NPAS3: variants seen among roughly 807,000 people sequenced by gnomAD.
NPAS3 encodes neuronal PAS domain-containing protein 3.
NPAS3 carries 14 observed loss-of-function variants against 73.1 expected under a neutral mutation model. The observed-to-expected ratio is 0.19, with a 90% CI of 0.13 to 0.30. The LOEUF (loss-of-function observed/expected upper bound fraction) is 0.30. Ranked by LOEUF, NPAS3 falls within the 10% of genes least tolerant of loss-of-function variation. The probability of loss-of-function intolerance (pLI) is 1.00; values close to 1 mark genes in which losing one functional copy is unlikely to be tolerated. For missense variants in NPAS3, 1,096 were observed against 1,250.0 expected, an observed-to-expected ratio of 0.88 and a Z score of 1.86; for synonymous variants, 620 against 541.5, an observed-to-expected ratio of 1.14 and a Z score of -2.01.
At chr14:33,726,041 CATTCA>C in intron 6 of NPAS3, among the ~76,000 whole-genome samples, 1 of 152,176 alleles carries the variant, frequency 6.6e-6, no homozygotes, top group East Asian at 1.9e-4. Context: ...CTCTGTTCCT[CATTCA>C]ATATCCATTA....
chr14:33,659,709 A>G (rs2059251478), intron 5 of NPAS3, among the ~76,000 whole-genome samples: 1 of 152,266 alleles, frequency 6.6e-6, no homozygotes, highest in African/African-American at 2.4e-5. Flanking sequence ...CATACCTTTA[A>G]TAATCTCTAT....
intron 2 of NPAS3, among the ~76,000 whole-genome samples, chr14:33,158,524 G>A (rs564557620): frequency 2.6e-5 from 4 of 152,166 alleles, no homozygotes; most frequent in African/African-American, 9.7e-5. Flanking sequence ...AGAACTAAAG[G>A]TGGCAGAAGT....
chr14:32,969,222 C>A (rs531138553), intron 1 of NPAS3, among the ~76,000 whole-genome samples: 5 of 152,210 alleles, frequency 3.3e-5, no homozygotes, highest in South Asian at 4.1e-4. Flanking sequence ...CATCAGAGTA[C>A]AGTGGTGAGA....
intron 4 of NPAS3, among the ~76,000 whole-genome samples, chr14:33,559,328 G>C (rs535207397): frequency 2.0e-5 from 3 of 152,250 alleles, no homozygotes; most frequent in Admixed American, 6.5e-5. Context: ...TAACACAATG[G>C]GCACTGGGAG....
chr14:33,489,910 A>T (rs369013415), intron 4 of NPAS3, among the ~76,000 whole-genome samples: 1 of 152,108 alleles, frequency 6.6e-6, no homozygotes, highest in Admixed American at 6.6e-5. Context: ...TTGATTTTTC[A>T]TCTGTTCAAA....
chr14:33,776,046 C>T (rs563752731), intron 8 of NPAS3, among the ~76,000 whole-genome samples: 41 of 152,302 alleles, frequency 2.7e-4, no homozygotes, highest in Admixed American at 2.2e-3. Context: ...TTAGCTACAT[C>T]CTGTGGAGTC....
At chr14:33,643,897 T>TA (rs1032581870) in intron 5 of NPAS3, among the ~76,000 whole-genome samples, 2 of 152,200 alleles carry the variant, frequency 1.3e-5, no homozygotes, top group Admixed American at 1.3e-4. Context: ...ATTTTTTTTT[T>TA]AACCTAAAGA....
At chr14:33,340,366 G>A (rs2044416648) in intron 3 of NPAS3, among the ~76,000 whole-genome samples, 1 of 152,074 alleles carries the variant, frequency 6.6e-6, no homozygotes, top group African/African-American at 2.4e-5. Context: ...GTGGTGGTGG[G>A]CGCCTGTAAT....
At chr14:33,547,343 G>C (rs138540338) in intron 4 of NPAS3, among the ~76,000 whole-genome samples, 113 of 152,218 alleles carry the variant, frequency 7.4e-4, no homozygotes, top group African/African-American at 2.7e-3. Flanking sequence ...AAATCTCATT[G>C]GAGGCAAAAA....
chr14:33,597,881 T>A (rs570995852), intron 5 of NPAS3, among the ~76,000 whole-genome samples: 1 of 152,350 alleles, frequency 6.6e-6, no homozygotes, highest in East Asian at 1.9e-4. Flanking sequence ...ATATACTGTC[T>A]TCAAGTTTTA....
intron 4 of NPAS3, among the ~76,000 whole-genome samples, chr14:33,451,570 CTT>C (rs2049792430): frequency 6.6e-6 from 1 of 152,162 alleles, no homozygotes; most frequent in African/African-American, 2.4e-5. Flanking sequence ...ATGATAGACA[CTT>C]TATAAGTTTT....
chr14:33,662,143 A>G (rs1263399730), intron 5 of NPAS3, among the ~76,000 whole-genome samples: 1 of 152,228 alleles, frequency 6.6e-6, no homozygotes, highest in Non-Finnish European at 1.5e-5. Context: ...ACTTTGAAAG[A>G]GTCTTTCAGT....
intron 7 of NPAS3, among the ~76,000 whole-genome samples, chr14:33,738,494 A>G (rs2061578704): frequency 6.6e-6 from 1 of 152,124 alleles, no homozygotes; most frequent in African/African-American, 2.4e-5. Flanking sequence ...GCCCCCAAGG[A>G]GTTACAGAGA....
At chr14:33,313,055 T>C (rs527647502) in intron 3 of NPAS3, among the ~76,000 whole-genome samples, 1 of 152,118 alleles carries the variant, frequency 6.6e-6, no homozygotes, top group African/African-American at 2.4e-5. Flanking sequence ...TGAAGGCTCT[T>C]GTCATTTGAG....
chr14:33,458,783 T>A (rs2050129233), intron 4 of NPAS3, among the ~76,000 whole-genome samples: 1 of 152,212 alleles, frequency 6.6e-6, no homozygotes, highest in South Asian at 2.1e-4. Context: ...AAAAGGATAC[T>A]AGGCAGTTTG....
intron 2 of NPAS3, among the ~76,000 whole-genome samples, chr14:33,093,563 A>G (rs2042303420): frequency 6.6e-6 from 1 of 152,188 alleles, no homozygotes; most frequent in Admixed American, 6.5e-5. Flanking sequence ...CAGTGCGGCG[A>G]TTCCTCAGGG....
intron 2 of NPAS3, among the ~76,000 whole-genome samples, chr14:33,173,233 C>T (rs1469214736): frequency 2.0e-5 from 3 of 152,112 alleles, no homozygotes; most frequent in Admixed American, 6.6e-5. Context: ...AGCTAAGTTT[C>T]ATCATTATTG....
intron 1 of NPAS3, among the ~76,000 whole-genome samples, chr14:32,968,968 C>T (rs796934344): frequency 9.2e-5 from 14 of 152,262 alleles, no homozygotes; most frequent in African/African-American, 3.4e-4. Flanking sequence ...GTGTTGTACC[C>T]TCCATGTGTC....
chr14:33,799,683 C>G, intron 11 of NPAS3, 51 bp from the exon 12 acceptor site: 1 of 1,538,962 alleles, frequency 6.5e-7, no homozygotes, highest in Non-Finnish European at 8.7e-7. Flanking sequence ...CTGGTGTCTT[C>G]TCTCTCTTCT....
Sources: gnomAD v4.1 joint callset for allele counts (sites outside exome capture counted in the v4.1 genomes callset) on GRCh38, gnomAD v4.1.1 for gene constraint, MANE v1.5 for transcripts, NCBI Gene and HGNC (gene_info 2026-07-23, HGNC 2026-07-21) for gene names.